The following CHSY3 variants were observed in gnomAD, a reference collection of about 807,000 sequenced individuals.
CHSY3 encodes the protein N-acetylgalactosaminyl-proteoglycan 3-beta-glucuronosyltransferase 3.
CHSY3 carries 35 observed loss-of-function variants against 67.2 expected under a neutral mutation model. The observed-to-expected ratio is 0.52, with a 90% CI of 0.40 to 0.69. CHSY3 has a LOEUF of 0.69. Among genes scored for constraint, CHSY3 ranks in the 30% least tolerant of loss-of-function variants. The pLI is 0.00. For missense variants in CHSY3, 1,069 were observed against 1,138.5 expected (o/e 0.94, Z 0.88); for synonymous variants, 474 against 434.7 (o/e 1.09, Z -1.12).
chr5:129,945,892 A>G (rs1580563944), intron 2 of CHSY3, among the ~76,000 whole-genome samples: 1 of 152,206 alleles, frequency 6.6e-6, no homozygotes, highest in Non-Finnish European at 1.5e-5. Flanking sequence ...TGGCTGATAC[A>G]TTCTTTTTTC....
At chr5:130,103,820 T>C (rs979746867) in intron 2 of CHSY3, among the ~76,000 whole-genome samples, 1 of 152,012 alleles carries the variant, frequency 6.6e-6, no homozygotes, top group Non-Finnish European at 1.5e-5. Context: ...CTGAATAAAA[T>C]ATTACCCTAG....
At chr5:129,979,863 G>A (rs180984863) in intron 2 of CHSY3, among the ~76,000 whole-genome samples, 1 of 151,870 alleles carries the variant, frequency 6.6e-6, no homozygotes, top group African/African-American at 2.4e-5. Context: ...AACCTTTTTC[G>A]CTTGGTTTTA....
In CHSY3 at chr5:130,038,321, G is replaced by A. The variant is rs144111461; in HGVS notation, c.1086+129961G>A. Among the ~76,000 whole-genome samples, 318 of 152,188 alleles carry A rather than the reference G, an allele frequency of 2.1e-3. 1 individual carries two copies. The highest frequency in any genetic ancestry group is 6.5e-3 in the African/African-American group (268 of 41,528). The stretch of plus-strand genomic sequence containing the variant: ...ATTTGAAAAGTTATAAGGCAGCATT[G>A]CTCTATTACATTCTAGGAATAACAC... On this transcript the variant is annotated intron_variant, in intron 2 of 2. Transcript: ENST00000305031.
chr5:130,020,828 T>A (rs1173710467), intron 2 of CHSY3, among the ~76,000 whole-genome samples: 1 of 152,146 alleles, frequency 6.6e-6, no homozygotes, highest in Non-Finnish European at 1.5e-5. Context: ...TCTGTCGAGA[T>A]GCTTCAAATC....
chr5:130,180,828 C>T (rs374272117), intron 2 of CHSY3, among the ~76,000 whole-genome samples: 20 of 152,140 alleles, frequency 1.3e-4, no homozygotes, highest in African/African-American at 3.4e-4. Flanking sequence ...CCAGCCTCGG[C>T]GACAGAGTGA....
chr5:130,133,771 TAAAAAAAA>T (rs758023976), intron 2 of CHSY3, among the ~76,000 whole-genome samples: 10 of 58,118 alleles, frequency 1.7e-4, no homozygotes, highest in African/African-American at 5.3e-4. Flanking sequence ...GACTCCGTCT[TAAAAAAAA>T]AAAAAAAAAA....
intron 2 of CHSY3, among the ~76,000 whole-genome samples, chr5:130,182,182 T>C (rs1725377465): frequency 6.6e-6 from 1 of 152,108 alleles, no homozygotes. Flanking sequence ...ATTATCTATC[T>C]GTTTTTTTGT....
chr5:130,160,913 T>TG (rs1228187946), intron 2 of CHSY3, among the ~76,000 whole-genome samples: 1 of 133,126 alleles, frequency 7.5e-6, no homozygotes, highest in African/African-American at 3.6e-5. Flanking sequence ...TTTTTTATTT[T>TG]TTTTTTTTTG....
At chr5:130,040,418 G>A (rs947390229) in intron 2 of CHSY3, among the ~76,000 whole-genome samples, 1 of 152,002 alleles carries the variant, frequency 6.6e-6, no homozygotes, top group African/African-American at 2.4e-5. Flanking sequence ...TTTGCTCCCC[G>A]AAATTGTTCA....
intron 2 of CHSY3, among the ~76,000 whole-genome samples, chr5:130,032,537 TGA>T (rs1002392820): frequency 3.9e-5 from 6 of 152,074 alleles, no homozygotes; most frequent in African/African-American, 1.4e-4. Flanking sequence ...CTAAGCCTAG[TGA>T]GAGAGTCTTC....
intron 1 of CHSY3, 119 bp downstream of exon 1, chr5:129,905,750 C>T: frequency 6.6e-7 from 1 of 1,516,056 alleles, no homozygotes; most frequent in African/African-American, 1.4e-5. Flanking sequence ...CTTCGGGCTC[C>T]CACAGGCCCT....
intron 2 of CHSY3, among the ~76,000 whole-genome samples, chr5:130,039,448 G>A (rs2149664460): frequency 8.7e-6 from 1 of 114,846 alleles, no homozygotes; most frequent in South Asian, 2.9e-4. Context: ...CTATGATCAT[G>A]CCACTGCACT....
chr5:129,931,202 TC>T (rs1369776218), intron 2 of CHSY3, among the ~76,000 whole-genome samples: 1 of 152,164 alleles, frequency 6.6e-6, no homozygotes, highest in African/African-American at 2.4e-5. Context: ...GTTAGTGTTG[TC>T]CTACAACCAT....
intron 2 of CHSY3, among the ~76,000 whole-genome samples, chr5:130,182,368 T>A (rs1459459550): frequency 6.6e-6 from 1 of 152,126 alleles, no homozygotes; most frequent in African/African-American, 2.4e-5. Context: ...CTTATTTGTA[T>A]AAGTTTATTA....
chr5:130,032,034 T>C lies in CHSY3; in HGVS notation c.1086+123674T>C, dbSNP rs192749580. Among the ~76,000 whole-genome samples, 36 of 152,294 alleles carry C rather than the reference T, an allele frequency of 2.4e-4. No individual in the cohort carries two copies. In the East Asian group the frequency reaches 6.2e-3, roughly 26 times the overall value. On this transcript the variant is annotated intron_variant, in intron 2 of 2. Coordinates refer to ENST00000305031, the MANE Select transcript of CHSY3 (RefSeq NM_175856.5). ...TGTAGGCATTCGATGATGAATTCAG[T>C]AAATCAAAGTAAAATCACAACTTGT...
At chr5:129,967,998 TC>T (rs1762516406) in intron 2 of CHSY3, among the ~76,000 whole-genome samples, 1 of 151,642 alleles carries the variant, frequency 6.6e-6, no homozygotes, top group Non-Finnish European at 1.5e-5. Context: ...AAATCTCTCT[TC>T]CCCTGACAAT....
intron 2 of CHSY3, among the ~76,000 whole-genome samples, chr5:129,993,560 T>A (rs1763433243): frequency 6.6e-6 from 1 of 152,192 alleles, no homozygotes; most frequent in African/African-American, 2.4e-5. Context: ...TTCCATTTGC[T>A]TGATAGATCT....
intron 2 of CHSY3, among the ~76,000 whole-genome samples, chr5:129,974,640 T>C (rs1762744344): frequency 6.6e-6 from 1 of 152,034 alleles, no homozygotes; most frequent in Non-Finnish European, 1.5e-5. Context: ...CATGGCGCAG[T>C]TGTAAGGGCT....
At chr5:130,049,574 G>A (rs1269055974) in intron 2 of CHSY3, among the ~76,000 whole-genome samples, 1 of 152,030 alleles carries the variant, frequency 6.6e-6, no homozygotes, top group Non-Finnish European at 1.5e-5. Flanking sequence ...TTGAAGCAGA[G>A]GCTGTCAACT....
Sources: gnomAD v4.1 joint callset for allele counts (sites outside exome capture counted in the v4.1 genomes callset) on GRCh38, gnomAD v4.1.1 for gene constraint, MANE v1.5 for transcripts, NCBI Gene and HGNC (gene_info 2026-07-23, HGNC 2026-07-21) for gene names.